Variants in SIGLEC9 observed in about 807,000 individuals in gnomAD.
The protein encoded by SIGLEC9 is sialic acid-binding Ig-like lectin 9.
In SIGLEC9, 26 loss-of-function variants were observed where a neutral mutation model predicts 38.3. The ratio of observed to expected loss-of-function variants is 0.68; its 90% CI spans 0.50 to 0.94. The LOEUF (loss-of-function observed/expected upper bound fraction) is 0.94. SIGLEC9 is among the 40% of genes least tolerant of loss of function. The pLI is 0.00. For missense variants in SIGLEC9, 556 were observed against 585.7 expected, an observed-to-expected ratio of 0.95 and a Z score of 0.52; for synonymous variants, 236 against 248.0, an observed-to-expected ratio of 0.95 and a Z score of 0.45.
chr19:51,130,140 A>G lies in SIGLEC9; in HGVS notation c.*61A>G. On this transcript the variant is annotated 3_prime_UTR_variant, in exon 7 of 7. Transcript: ENST00000250360. ...AGCCCCTCCAGGCAAGGGAGAAGTC[A>G]GAGGCTGATTCTTGTAGAATTAACA... The G allele has an allele frequency of 6.5e-7, 1 of 1,531,058 alleles. No individual in the cohort carries two copies. Among genetic ancestry groups the G allele is most frequent in the Non-Finnish European group, 8.8e-7 (1 of 1,139,374 alleles). 94.8% of individuals were successfully genotyped at this position (1,531,058 alleles called of 1,614,324 possible).
At chr19:51,122,441 C>T (rs991489768), upstream of SIGLEC9, among the ~76,000 whole-genome samples, 4 of 151,998 alleles carry the variant, frequency 2.6e-5, no homozygotes, top group Non-Finnish European at 4.4e-5. The surrounding 1 kb of genome is among the most constrained non-coding windows in gnomAD (Gnocchi z 4.1). Flanking sequence ...ATTAACCTGG[C>T]GTGGCGGCAC....
upstream of SIGLEC9, among the ~76,000 whole-genome samples, chr19:51,124,515 G>T (rs945726160): frequency 6.6e-6 from 1 of 152,082 alleles, no homozygotes; most frequent in African/African-American, 2.4e-5. Flanking sequence ...TGCTTGGGGG[G>T]GATGAGAGGC....
chr19:51,122,004 C>T (rs1299992115), upstream of SIGLEC9, among the ~76,000 whole-genome samples: 6 of 152,066 alleles, frequency 3.9e-5, no homozygotes, highest in Non-Finnish European at 7.4e-5. This position sits in a 1 kb window ranked among gnomAD's most constrained non-coding sequence, Gnocchi z 4.1. Context: ...ACCAGCCCCA[C>T]CCCTTCCTGG....
intron 6 of SIGLEC9, 92 bp from the exon 7 acceptor site, chr19:51,129,798 CT>C: frequency 1.1e-6 from 1 of 919,148 alleles, no homozygotes; most frequent in Non-Finnish European, 1.7e-6. Context: ...ATCCGCCTAC[CT>C]CAGCCTCCTG....
Position 51,130,242 on chromosome 19 carries a change from T to C in SIGLEC9, c.*163T>C, listed in dbSNP as rs184037759. ...AAGCACACAGGCTTTAGAGTCAAAG[T>C]ATCTCAAACCTGAATCCACACTGTG... is the stretch of plus-strand genomic sequence containing the variant. On this transcript the variant is annotated 3_prime_UTR_variant, in exon 7 of 7. Coordinates refer to ENST00000250360, the MANE Select transcript of SIGLEC9 (RefSeq NM_014441.3). 2.5e-5 allele frequency: 33 copies of C among 1,312,310 alleles called. No individual in the cohort carries two copies. The East Asian group carries it at 6.4e-4, about 25-fold the overall frequency. 81.3% of individuals were successfully genotyped at this position (1,312,310 alleles called of 1,614,324 possible).
At position 51,127,180 on chromosome 19, in the gene SIGLEC9, C is replaced by A. The variant is rs144680080; in HGVS notation, c.899C>A (p.Ser300Ter). Residue 300 changes from serine (S) to a stop codon, truncating the protein, a stop_gained, in exon 4 of 7, where the codon TCA (serine) becomes TAA (stop). Coordinates refer to ENST00000250360, the MANE Select transcript of SIGLEC9 (RefSeq NM_014441.3). LOFTEE classifies it high-confidence loss of function. Reference sequence around the variant, plus strand: ...CTGACCCTGTGCCCCTCACAGCCCTCAAACCCGGGGGTGCTGGAGCTGCCT... The same window carrying A: ...CTGACCCTGTGCCCCTCACAGCCCTAAAACCCGGGGGTGCTGGAGCTGCCT... Reference protein sequence around the residue: ...RGLTLCPSQPSNPGVLELPWV... With the variant: ...RGLTLCPSQP 171 of 1,614,150 alleles carry A rather than the reference C, an allele frequency of 1.1e-4. No individual in the cohort carries two copies. The highest frequency in any genetic ancestry group is 1.4e-4 in the Non-Finnish European group (164 of 1,180,056).
At chr19:51,134,498 T>C (rs1295719228), downstream of SIGLEC9, among the ~76,000 whole-genome samples, 1 of 152,206 alleles carries the variant, frequency 6.6e-6, no homozygotes. Context: ...ATAGTAATTA[T>C]GTGGTTATGA....
intron 6 of SIGLEC9, among the ~76,000 whole-genome samples, chr19:51,129,146 G>A (rs28715510): frequency 7.3e-6 from 1 of 136,198 alleles, no homozygotes; most frequent in South Asian, 2.2e-4. Context: ...GACTTTTTTT[G>A]TTTTTTTTTT....
In SIGLEC9 at chr19:51,130,079, A is replaced by G; in HGVS notation, c.1392A>G (p.Ter464TrpextTer9). ...TEYSEIKIHR[*>W] ...ACTCGGAGATCAAGATCCACAGATG[A>G]GAAACTGCAGAGACTCACCCTGATT... The change falls in exon 7 of 7, where the codon TGA (stop) becomes TGG (tryptophan). Residue 464 changes from the stop codon to tryptophan, a stop_lost. Transcript: ENST00000250360. 6.2e-7 allele frequency: 1 copy of G among 1,607,912 alleles called. No individual in the cohort carries two copies. Among genetic ancestry groups the G allele is most frequent in the Non-Finnish European group, 8.5e-7 (1 of 1,176,510 alleles).
rs115617073 is a variant in SIGLEC9, at chr19:51,125,889, C to T, written c.700+14C>T. 4.4e-4 allele frequency: 712 copies of T among 1,613,968 alleles called. 2 individuals carry two copies. In the African/African-American group the frequency reaches 6.4e-3, roughly 15 times the overall value. On this transcript the variant is annotated intron_variant, in intron 2 of 6. Coordinates refer to ENST00000250360, the MANE Select transcript of SIGLEC9 (RefSeq NM_014441.3). ...TCAACGTGTCCTGTGAGTGCTGGGC[C>T]GGGACGCCTGGGTCCCTGATGGGGT...
chr19:51,126,043 C>T (rs774356047), intron 2 of SIGLEC9, 38 bp from the exon 3 acceptor site: 1 of 1,610,250 alleles, frequency 6.2e-7, no homozygotes, highest in Non-Finnish European at 8.5e-7. Context: ...GTCCCCAGCC[C>T]TCACAGTGAT....
upstream of SIGLEC9, chr19:51,120,475 T>C (rs950421940): frequency 3.3e-5 from 5 of 152,296 alleles, no homozygotes; most frequent in African/African-American, 7.2e-5. This position sits in a 1 kb window ranked among gnomAD's most constrained non-coding sequence, Gnocchi z 4.1. Flanking sequence ...TCTTTTCTAG[T>C]GCTGACCCAG....
At chr19:51,128,288 T>G in intron 5 of SIGLEC9, 126 bp from the exon 6 acceptor site, 1 of 1,166,040 alleles carries the variant, frequency 8.6e-7, no homozygotes, top group South Asian at 1.3e-5. Flanking sequence ...TCTCTAAGAC[T>G]GGACCACTGC....
chr19:51,127,320 A>C (rs750875751), intron 4 of SIGLEC9, 24 bp downstream of exon 4: 1 of 1,586,248 alleles, frequency 6.3e-7, no homozygotes, highest in Non-Finnish European at 8.6e-7. Flanking sequence ...TATGCTGGGG[A>C]GGGGCTGGAG....
At chr19:51,127,328 G>C in intron 4 of SIGLEC9, 32 bp downstream of exon 4, 1 of 1,575,746 alleles carries the variant, frequency 6.3e-7, no homozygotes, top group Non-Finnish European at 8.6e-7. Flanking sequence ...GGAGGGGCTG[G>C]AGAGGAGAAC....
intron 3 of SIGLEC9, 79 bp from the exon 4 acceptor site, chr19:51,126,951 T>C: frequency 7.7e-7 from 1 of 1,292,156 alleles, no homozygotes; most frequent in Non-Finnish European, 1.1e-6. Flanking sequence ...TGTCAGTTGC[T>C]GTCATCAGTC....
intron 6 of SIGLEC9, among the ~76,000 whole-genome samples, chr19:51,129,133 TCTGA>T (rs1186882490): frequency 6.7e-5 from 10 of 148,796 alleles, no homozygotes; most frequent in African/African-American, 2.6e-4. Context: ...CAGTGCACAT[TCTGA>T]CTTTTTTTGT....
upstream of SIGLEC9, chr19:51,124,878 T>C (rs1011092517): frequency 3.4e-6 from 5 of 1,487,718 alleles, no homozygotes; most frequent in East Asian, 4.6e-5. Flanking sequence ...CCTGTCTTCC[T>C]GTAGGGCCTC....
Position 51,126,007 on chromosome 19 carries a change from G to A in SIGLEC9, c.701-74G>A, listed in dbSNP as rs186620214. On this transcript the variant is annotated intron_variant, in intron 2 of 6. Transcript: ENST00000250360. Reference sequence around the variant, plus strand: ...CTGGCTCTGCCTTCCCTGTTTATGCGGCTCCTGGGGACAGACAGGGCCAGT... The same window carrying A: ...CTGGCTCTGCCTTCCCTGTTTATGCAGCTCCTGGGGACAGACAGGGCCAGT... 1,205 of 1,583,640 alleles carry A rather than the reference G, an allele frequency of 7.6e-4. 8 individuals carry two copies. In the Middle Eastern group the frequency reaches 0.019, roughly 25 times the overall value.
Sources: gnomAD v4.1 joint callset for allele counts (sites outside exome capture counted in the v4.1 genomes callset) on GRCh38, gnomAD v4.1.1 for gene constraint, Gnocchi (gnomAD v3.1) non-coding constraint, MANE v1.5 for transcripts, NCBI Gene and HGNC (gene_info 2026-07-23, HGNC 2026-07-21) for gene names.